The following CAMK4 variants were observed in gnomAD, a reference collection of about 807,000 sequenced individuals.
CAMK4 encodes the protein calcium/calmodulin dependent protein kinase IV.
Under a neutral mutation model 44.9 loss-of-function variants are expected in CAMK4, and 22 were observed. The observed-to-expected ratio is 0.49, with a 90% CI of 0.35 to 0.70. The LOEUF (loss-of-function observed/expected upper bound fraction) is 0.70, where lower values mean the gene tolerates loss of function less well. Among genes scored for constraint, CAMK4 ranks in the 30% least tolerant of loss-of-function variants. CAMK4 has a pLI of 0.01. For missense variants in CAMK4, 498 were observed against 586.8 expected (o/e 0.85, Z 1.56); for synonymous variants, 218 against 215.4 (o/e 1.01, Z -0.11).
chr5:111,317,218 A>G (rs999815229), intron 1 of CAMK4, among the ~76,000 whole-genome samples: 1 of 152,138 alleles, frequency 6.6e-6, no homozygotes, highest in Non-Finnish European at 1.5e-5. Flanking sequence ...TAATGTAGGG[A>G]CTGAAATGTG....
chr5:111,265,880 G>C (rs1383633794), intron 1 of CAMK4: 3 of 152,210 alleles, frequency 2.0e-5, no homozygotes, highest in Admixed American at 6.5e-5. Flanking sequence ...AGAAGAAAGG[G>C]AAAGGGAAGG....
At chr5:111,226,003 A>G (rs1338173273) in intron 1 of CAMK4, among the ~76,000 whole-genome samples, 1 of 152,204 alleles carries the variant, frequency 6.6e-6, no homozygotes, top group Non-Finnish European at 1.5e-5. Flanking sequence ...GCCTGTTATT[A>G]ATTGTATGAT....
intron 5 of CAMK4, among the ~76,000 whole-genome samples, chr5:111,445,004 A>G (rs1753976309): frequency 6.6e-6 from 1 of 152,236 alleles, no homozygotes; most frequent in Admixed American, 6.5e-5. Context: ...GTGAGTGAAA[A>G]TTGATGGAGG....
intron 1 of CAMK4, among the ~76,000 whole-genome samples, chr5:111,265,083 T>C (rs957343894): frequency 6.6e-6 from 1 of 152,086 alleles, no homozygotes; most frequent in Non-Finnish European, 1.5e-5. Context: ...ACAGGTATCA[T>C]GTTCATTCGT....
In CAMK4 at chr5:111,486,931, C is replaced by T. The variant is rs114192570; in HGVS notation, c.*2465C>T. The T allele has an allele frequency of 4.3e-3, 652 of 152,242 alleles. 4 individuals carry two copies. Among genetic ancestry groups the T allele is most frequent in the African/African-American group, 0.015 (625 of 41,546 alleles). 9.4% of individuals were successfully genotyped at this position (152,242 alleles called of 1,614,324 possible). A position where few individuals can be genotyped will look rare whatever the true frequency, so the allele number is the denominator to read the frequency against. Reference sequence around the variant, plus strand: ...GATTCTGATAATGACTATATAGTGACTAATTTCATTGTTTCAGTAGGAAAC... The same window carrying T: ...GATTCTGATAATGACTATATAGTGATTAATTTCATTGTTTCAGTAGGAAAC... On this transcript the variant is annotated 3_prime_UTR_variant, in exon 11 of 11. Coordinates refer to ENST00000282356, the MANE Select transcript of CAMK4 (RefSeq NM_001744.6).
chr5:111,235,370 T>C (rs962693033), intron 1 of CAMK4, among the ~76,000 whole-genome samples: 1 of 152,092 alleles, frequency 6.6e-6, no homozygotes, highest in Non-Finnish European at 1.5e-5. Flanking sequence ...ATTCAAAATA[T>C]GTAATTCAAT....
intron 5 of CAMK4, among the ~76,000 whole-genome samples, chr5:111,416,760 A>C (rs1320531002): frequency 6.6e-6 from 1 of 152,206 alleles, no homozygotes; most frequent in East Asian, 1.9e-4. Context: ...CTTAGCTAAA[A>C]ATTTCATTAT....
chr5:111,364,204 A>G (rs1463515081), intron 2 of CAMK4, among the ~76,000 whole-genome samples: 1 of 25,236 alleles, frequency 4.0e-5, no homozygotes, highest in Non-Finnish European at 7.2e-5. Flanking sequence ...GATGAGAGTT[A>G]TTAATCAGGA....
chr5:111,322,895 A>G (rs950112398), intron 1 of CAMK4, among the ~76,000 whole-genome samples: 3 of 152,122 alleles, frequency 2.0e-5, no homozygotes, highest in Non-Finnish European at 4.4e-5. Context: ...AGAATGGATT[A>G]AAGGCTGCAA....
At chr5:111,396,320 G>A (rs1165926160) in intron 5 of CAMK4, among the ~76,000 whole-genome samples, 1 of 151,968 alleles carries the variant, frequency 6.6e-6, no homozygotes, top group African/African-American at 2.4e-5. Flanking sequence ...ACCTGGAGAG[G>A]ATGCCAACAC....
intron 1 of CAMK4, among the ~76,000 whole-genome samples, chr5:111,275,176 A>G (rs1396645618): frequency 3.3e-5 from 5 of 152,140 alleles, no homozygotes; most frequent in African/African-American, 4.8e-5. Context: ...GAAATATACA[A>G]TACATTACTA....
chr5:111,447,873 C>A (rs542608603), intron 6 of CAMK4, among the ~76,000 whole-genome samples: 1 of 152,352 alleles, frequency 6.6e-6, no homozygotes, highest in South Asian at 2.1e-4. Flanking sequence ...ATAATCACTC[C>A]TGTAAGGCAG....
chr5:111,251,853 T>C (rs1022023007), intron 1 of CAMK4, among the ~76,000 whole-genome samples: 2 of 152,184 alleles, frequency 1.3e-5, no homozygotes. Flanking sequence ...CGTAATGTTA[T>C]GTGTATGTGA....
In CAMK4 at chr5:111,374,838, T is replaced by C; in HGVS notation, c.241-12T>C. On this transcript the variant is annotated splice_polypyrimidine_tract_variant and intron_variant, in intron 2 of 10. Transcript: ENST00000282356. ...GTTTCTTTCAGTTTATCTCTTTTAT[T>C]TTGCCTTTTAGGTGGACAAAAAAAT... is the stretch of plus-strand genomic sequence containing the variant. 1 of 1,580,404 alleles carries C rather than the reference T, an allele frequency of 6.3e-7. No individual in the cohort carries two copies. The highest frequency in any genetic ancestry group is 8.7e-7 in the Non-Finnish European group (1 of 1,150,076).
intron 1 of CAMK4, among the ~76,000 whole-genome samples, chr5:111,321,212 G>T (rs1438559636): frequency 6.6e-6 from 1 of 152,116 alleles, no homozygotes; most frequent in Non-Finnish European, 1.5e-5. Context: ...GTGTGAAGCT[G>T]CTGGCTGTCA....
intron 1 of CAMK4, among the ~76,000 whole-genome samples, chr5:111,284,251 T>TA (rs2112610915): frequency 6.6e-6 from 1 of 152,374 alleles, no homozygotes; most frequent in African/African-American, 2.4e-5. Flanking sequence ...TTTGACATTT[T>TA]TTTTAAGTTA....
In CAMK4 at chr5:111,485,272, C is replaced by T. The variant is rs1018518462; in HGVS notation, c.*806C>T. On this transcript the variant is annotated 3_prime_UTR_variant, in exon 11 of 11. Coordinates refer to ENST00000282356, the MANE Select transcript of CAMK4 (RefSeq NM_001744.6). ...GGGAAGAAAAGAAGGTAAGACTGTA[C>T]TTAAACTGATGAAGATAAGATTGAT... The T allele has an allele frequency of 1.3e-5, 2 of 152,120 alleles. No homozygotes were observed. Among genetic ancestry groups the T allele is most frequent in the Admixed American group, 6.6e-5 (1 of 15,252 alleles). 9.4% of individuals were successfully genotyped at this position (152,120 alleles called of 1,614,324 possible).
chr5:111,367,997 G>A (rs1750859440), intron 2 of CAMK4, among the ~76,000 whole-genome samples: 3 of 152,050 alleles, frequency 2.0e-5, no homozygotes, highest in Admixed American at 1.3e-4. Flanking sequence ...CTCTCACTGT[G>A]TTGGGTTTCC....
chr5:111,284,119 G>C, intron 1 of CAMK4, among the ~76,000 whole-genome samples: 1 of 152,128 alleles, frequency 6.6e-6, no homozygotes, highest in Non-Finnish European at 1.5e-5. Flanking sequence ...CTTTAAATCT[G>C]CTATCACAAA....
Sources: allele counts gnomAD v4.1 joint callset (sites outside exome capture counted in the v4.1 genomes callset), GRCh38; gene constraint gnomAD v4.1.1; transcripts MANE v1.5; gene names NCBI Gene and HGNC (gene_info 2026-07-23, HGNC 2026-07-21).